The following ASPRV1 variants were observed in gnomAD, a reference collection of about 807,000 sequenced individuals.
ASPRV1 encodes the protein retroviral-like aspartic protease 1.
Under a neutral mutation model 11.0 loss-of-function variants are expected in ASPRV1, and 7 were observed. That is an observed-to-expected ratio of 0.64 (90% CI 0.36 to 1.20). ASPRV1 has a LOEUF of 1.20. Ranked by LOEUF, ASPRV1 falls within the 50% of genes most tolerant of loss-of-function variation. The pLI is 0.02. For synonymous variants in ASPRV1, 136 were observed against 138.4 expected (o/e 0.98, Z 0.12); for missense variants, 299 against 320.0 (o/e 0.93, Z 0.50).
the ASPRV1 span, among the ~76,000 whole-genome samples, chr2:70,006,030 T>C: frequency 5.1e-3 from 784 of 152,314 alleles, 5 homozygotes; most frequent in African/African-American, 0.018. Context: ...CAGGCTGTCC[T>C]GTGCATTGTA....
At chr2:70,078,193 C>T in the ASPRV1 span, among the ~76,000 whole-genome samples, 1 of 152,166 alleles carries the variant, frequency 6.6e-6, no homozygotes. Flanking sequence ...ATTCATTCAG[C>T]TCCTATGTTA....
chr2:70,055,127 AC>A, the ASPRV1 span, among the ~76,000 whole-genome samples: 3 of 152,060 alleles, frequency 2.0e-5, no homozygotes, highest in South Asian at 6.2e-4. Flanking sequence ...ACGTGGTGAA[AC>A]CCTGTCTCTA....
the ASPRV1 span, among the ~76,000 whole-genome samples, chr2:69,979,403 G>T: frequency 6.6e-6 from 1 of 152,188 alleles, no homozygotes; most frequent in Admixed American, 6.5e-5. Flanking sequence ...CTTTGTTTCA[G>T]TGTCTGGGCT....
chr2:70,040,454 G>C, the ASPRV1 span, among the ~76,000 whole-genome samples: 6 of 152,140 alleles, frequency 3.9e-5, no homozygotes, highest in Non-Finnish European at 7.3e-5. Flanking sequence ...GCAATGGCCT[G>C]ATCTCAGCTC....
At chr2:70,047,010 T>C in the ASPRV1 span, among the ~76,000 whole-genome samples, 1 of 152,190 alleles carries the variant, frequency 6.6e-6, no homozygotes, top group South Asian at 2.1e-4. Context: ...TTAAGACTAT[T>C]AAACAAATTC....
At chr2:70,058,751 C>A in the ASPRV1 span, among the ~76,000 whole-genome samples, 69 of 151,138 alleles carry the variant, frequency 4.6e-4, no homozygotes, top group African/African-American at 1.6e-3. Flanking sequence ...CAGGGTTTCA[C>A]CATGTTGGCC....
the ASPRV1 span, among the ~76,000 whole-genome samples, chr2:69,946,383 ACCCTCGGTGAC>A: frequency 6.6e-6 from 1 of 152,022 alleles, no homozygotes; most frequent in Non-Finnish European, 1.5e-5. Flanking sequence ...CACCCTTAAC[ACCCTCGGTGAC>A]CCCAGGCAAG....
the ASPRV1 span, chr2:70,015,473 G>A: frequency 6.6e-6 from 1 of 152,182 alleles, no homozygotes; most frequent in African/African-American, 2.4e-5. Context: ...TGTACATGGA[G>A]GGCCAACTTT....
At chr2:70,041,073 T>C in the ASPRV1 span, among the ~76,000 whole-genome samples, 1 of 152,226 alleles carries the variant, frequency 6.6e-6, no homozygotes, top group African/African-American at 2.4e-5. Context: ...GAATGCTGCT[T>C]ACTGGATGCT....
chr2:69,978,088 C>A, the ASPRV1 span, among the ~76,000 whole-genome samples: 2 of 152,214 alleles, frequency 1.3e-5, no homozygotes, highest in Non-Finnish European at 2.9e-5. Flanking sequence ...TGCACAAATG[C>A]AACTGGCCAG....
At chr2:70,077,757 A>G in the ASPRV1 span, among the ~76,000 whole-genome samples, 1 of 152,184 alleles carries the variant, frequency 6.6e-6, no homozygotes, top group Non-Finnish European at 1.5e-5. Context: ...CAGGAGGCTG[A>G]GGCAGGAGAA....
In ASPRV1 at chr2:69,961,177, G is replaced by GTC; in HGVS notation, c.259_260insGA (p.Ala87GlyfsTer38). On this transcript the variant is annotated frameshift_variant, in exon 1 of 1. Transcript: ENST00000320256. LOFTEE classifies it high-confidence loss of function. ...GGGGGCAGCCCCAGGGACCCCAAAG[G>GTC]CCTTCAGGAGGGCCTCTTTCACAGT... The GTC allele has an allele frequency of 6.2e-7, 1 of 1,613,794 alleles. No homozygotes were observed. The highest frequency in any genetic ancestry group is 8.5e-7 in the Non-Finnish European group (1 of 1,179,774).
chr2:70,057,603 C>T, the ASPRV1 span, among the ~76,000 whole-genome samples: 1 of 151,936 alleles, frequency 6.6e-6, no homozygotes, highest in Non-Finnish European at 1.5e-5. Flanking sequence ...TTCAGCCTCC[C>T]AAGTAGCTGG....
At chr2:70,065,199 G>A in the ASPRV1 span, among the ~76,000 whole-genome samples, 4 of 151,828 alleles carry the variant, frequency 2.6e-5, no homozygotes, top group African/African-American at 9.7e-5. Flanking sequence ...ATGAGGTCAG[G>A]AGATCGAGAT....
At chr2:70,020,891 G>A in the ASPRV1 span, among the ~76,000 whole-genome samples, 6 of 152,214 alleles carry the variant, frequency 3.9e-5, no homozygotes, top group South Asian at 6.2e-4. Flanking sequence ...CATATGGGTA[G>A]TTTCAATTTT....
the ASPRV1 span, among the ~76,000 whole-genome samples, chr2:69,944,493 G>C: frequency 6.6e-6 from 1 of 152,224 alleles, no homozygotes; most frequent in South Asian, 2.1e-4. Context: ...CTGAGGGAGA[G>C]AGAAGTGAGG....
chr2:70,086,195 G>A, the ASPRV1 span: 2 of 152,062 alleles, frequency 1.3e-5, no homozygotes, highest in African/African-American at 2.4e-5. Context: ...GAGGAAGAGG[G>A]GTGCATTCTA....
the ASPRV1 span, among the ~76,000 whole-genome samples, chr2:70,044,088 G>A: frequency 2.0e-5 from 3 of 152,068 alleles, no homozygotes; most frequent in African/African-American, 7.2e-5. Flanking sequence ...CCCTTCCTCA[G>A]TCTGGTTCTC....
downstream of ASPRV1, among the ~76,000 whole-genome samples, chr2:69,959,669 T>C (rs1678019357): frequency 6.6e-6 from 1 of 152,140 alleles, no homozygotes; most frequent in South Asian, 2.1e-4. Context: ...GGTCAACACT[T>C]GTCTCCTGGC....
Sources: gnomAD v4.1 joint callset for allele counts (sites outside exome capture counted in the v4.1 genomes callset) on GRCh38, gnomAD v4.1.1 for gene constraint, MANE v1.5 for transcripts, NCBI Gene and HGNC (gene_info 2026-07-23, HGNC 2026-07-21) for gene names.